RAP1GAP2: variants seen among roughly 807,000 people sequenced by gnomAD.
RAP1GAP2 encodes the protein rap1 GTPase-activating protein 2.
A neutral mutation model predicts 95.0 loss-of-function variants in RAP1GAP2; 27 were observed. The ratio of observed to expected loss-of-function variants is 0.28; its 90% confidence interval spans 0.21 to 0.39. The LOEUF is 0.39. Ranked by LOEUF, RAP1GAP2 falls within the 10% of genes least tolerant of loss-of-function variation. RAP1GAP2 has a pLI of 1.00. For synonymous variants in RAP1GAP2, 373 were observed against 380.9 expected, an observed-to-expected ratio of 0.98 and a Z score of 0.24; for missense variants, 771 against 970.0, an observed-to-expected ratio of 0.79 and a Z score of 2.72.
At chr17:2,970,673 C>T (rs2317462) in intron 8 of RAP1GAP2, among the ~76,000 whole-genome samples, 111,920 of 152,168 alleles carry the variant, frequency 0.74, 41,714 homozygotes, top group African/African-American at 0.86. Flanking sequence ...TAAGAACTGC[C>T]TCTATTTATT....
chr17:2,905,773 G>C (rs1201841761), intron 3 of RAP1GAP2, among the ~76,000 whole-genome samples: 1 of 152,222 alleles, frequency 6.6e-6, no homozygotes, highest in Non-Finnish European at 1.5e-5. Context: ...TGGCCCTTCT[G>C]AGCTGGGCCT....
In RAP1GAP2 at chr17:2,873,958, G is replaced by A. The variant is rs371863722; in HGVS notation, c.81-31326G>A. Among the ~76,000 whole-genome samples the A allele has an allele frequency of 3.8e-4, 58 of 151,658 alleles. 1 individual carries two copies. The East Asian group carries it at 6.1e-3, about 16-fold the overall frequency. ...TGTATTTTTGGTAGAGACGCGGTGG[G>A]GGGGGGCGGGTTTCACCATGTTGGC... On this transcript the variant is annotated intron_variant, in intron 2 of 24. Transcript: ENST00000254695.
intron 13 of RAP1GAP2, among the ~76,000 whole-genome samples, chr17:2,996,346 T>C (rs894669): frequency 0.64 from 97,474 of 152,134 alleles, 31,546 homozygotes; most frequent in African/African-American, 0.74. Context: ...TCCCCCAGCC[T>C]GCCTTCTGCC....
intron 1 of RAP1GAP2, among the ~76,000 whole-genome samples, chr17:2,786,495 G>T (rs1337945795): frequency 2.0e-5 from 3 of 152,372 alleles, no homozygotes; most frequent in African/African-American, 4.8e-5. Flanking sequence ...CCTGGGAGGC[G>T]CCAGGTGCCC....
intron 3 of RAP1GAP2, among the ~76,000 whole-genome samples, chr17:2,917,272 T>C (rs574339778): frequency 2.6e-5 from 4 of 152,182 alleles, no homozygotes; most frequent in South Asian, 2.1e-4. Context: ...TCTTCTTCTT[T>C]TTTTTTTTCT....
rs549214998 is a variant in RAP1GAP2, at chr17:2,781,560, G to A, written c.-14+4282G>A. On this transcript the variant is annotated intron_variant, in intron 1 of 24. Coordinates refer to the RAP1GAP2 transcript ENST00000540393. ...TGTGAGCACGTCTCTGTGTGTGCACGTCTCTGTGTGTGCAGGTCTCTGTGT... is the reference window on the plus strand; with the variant it reads ...TGTGAGCACGTCTCTGTGTGTGCACATCTCTGTGTGTGCAGGTCTCTGTGT... 6.9e-5 allele frequency among the ~76,000 whole-genome samples: 9 copies of A among 130,072 alleles called. No individual in the cohort carries two copies. In the South Asian group the frequency reaches 2.1e-3, roughly 30 times the overall value. 85.3% of individuals were successfully genotyped at this position (130,072 alleles called of 152,430 possible).
intron 1 of RAP1GAP2, among the ~76,000 whole-genome samples, chr17:2,789,698 C>G (rs547364389): frequency 1.1e-4 from 15 of 135,364 alleles, no homozygotes; most frequent in African/African-American, 3.8e-4. Context: ...AGGAGAATTG[C>G]TTGAACCTGG....
At chr17:2,948,845 G>A (rs1246731856) in intron 3 of RAP1GAP2, among the ~76,000 whole-genome samples, 1 of 152,186 alleles carries the variant, frequency 6.6e-6, no homozygotes, top group Non-Finnish European at 1.5e-5. Flanking sequence ...GGGGGTCCTG[G>A]ACTCACACGA....
intron 2 of RAP1GAP2, among the ~76,000 whole-genome samples, chr17:2,880,864 C>T (rs1384389629): frequency 1.3e-5 from 2 of 152,172 alleles, no homozygotes; most frequent in Admixed American, 1.3e-4. Context: ...CGGTGGCTCA[C>T]GCCTGGAATC....
intron 3 of RAP1GAP2, among the ~76,000 whole-genome samples, chr17:2,954,346 C>T (rs1286910524): frequency 3.3e-5 from 5 of 151,990 alleles, no homozygotes; most frequent in South Asian, 2.1e-4. Context: ...CCTCGTGATC[C>T]GCCCGCCTCG....
intron 14 of RAP1GAP2, among the ~76,000 whole-genome samples, chr17:3,002,260 T>A (rs1316576378): frequency 1.3e-5 from 2 of 152,176 alleles, no homozygotes; most frequent in Non-Finnish European, 2.9e-5. Flanking sequence ...CATGCCTGGC[T>A]GTCTTTACTC....
intron 2 of RAP1GAP2, among the ~76,000 whole-genome samples, chr17:2,830,391 TG>T (rs1244555201): frequency 3.3e-5 from 5 of 150,016 alleles, no homozygotes; most frequent in African/African-American, 1.2e-4. Flanking sequence ...CACTCCAGTC[TG>T]GGCGACAGAG....
rs2046395450 is a variant in RAP1GAP2 at position 3,008,200 on chromosome 17, G to A, written c.1494+55G>A. 6.2e-7 allele frequency: 1 copy of A among 1,608,280 alleles called. No homozygotes were observed. Among genetic ancestry groups the A allele is most frequent in the Non-Finnish European group, 8.5e-7 (1 of 1,176,390 alleles). On this transcript the variant is annotated intron_variant, in intron 17 of 24. Transcript: ENST00000254695. The surrounding 1 kb of genome is among the most constrained non-coding windows in gnomAD (Gnocchi z 4.2). ...TGTGGGGTTGGGATTGGGGAAGAAA[G>A]GAAGTGGTCCAAGGTCCATGGGATA...
intron 18 of RAP1GAP2, among the ~76,000 whole-genome samples, chr17:3,019,505 C>T (rs1048207098): frequency 6.6e-6 from 1 of 152,134 alleles, no homozygotes; most frequent in Non-Finnish European, 1.5e-5. Flanking sequence ...CAGAGTGAGA[C>T]CCTGTCTCCA....
chr17:2,946,005 G>A (rs2043685697), intron 3 of RAP1GAP2, among the ~76,000 whole-genome samples: 1 of 151,972 alleles, frequency 6.6e-6, no homozygotes, highest in Non-Finnish European at 1.5e-5. Flanking sequence ...CGGCCAGGCT[G>A]GTCTTGAACT....
chr17:2,932,229 G>C (rs1237940653), intron 3 of RAP1GAP2, among the ~76,000 whole-genome samples: 1 of 152,122 alleles, frequency 6.6e-6, no homozygotes, highest in East Asian at 1.9e-4. Context: ...TTCCTCCTTC[G>C]CGCTGAAGCA....
chr17:2,769,503 C>T (rs182471996), intron 1 of RAP1GAP2, among the ~76,000 whole-genome samples: 2,894 of 147,270 alleles, frequency 0.02, 94 homozygotes, highest in African/African-American at 0.067. Flanking sequence ...TGCAGTGAGC[C>T]GAGATCGCGC....
chr17:2,781,482 A>T (rs767586215), intron 1 of RAP1GAP2, among the ~76,000 whole-genome samples: 1 of 152,108 alleles, frequency 6.6e-6, no homozygotes, highest in Non-Finnish European at 1.5e-5. Context: ...GGGTGGTTAT[A>T]TGTGGTTCTT....
intron 12 of RAP1GAP2, among the ~76,000 whole-genome samples, chr17:2,993,219 CAAAAA>C (rs201866665): frequency 9.5e-6 from 1 of 105,578 alleles, no homozygotes. Flanking sequence ...GAGACTCTGT[CAAAAA>C]AAAAAAAAAA....
Sources: allele counts gnomAD v4.1 joint callset (sites outside exome capture counted in the v4.1 genomes callset), GRCh38; gene constraint gnomAD v4.1.1; non-coding constraint Gnocchi (gnomAD v3.1); transcripts MANE v1.5; gene names NCBI Gene and HGNC (gene_info 2026-07-23, HGNC 2026-07-21).